MROH2A: variants seen among roughly 807,000 people sequenced by gnomAD.
MROH2A encodes maestro heat-like repeat-containing protein family member 2A.
Under a neutral mutation model 200.4 loss-of-function variants are expected in MROH2A, and 174 were observed. That is an observed-to-expected ratio of 0.87 (90% CI 0.77 to 0.98). The LOEUF is 0.98. MROH2A is among the 50% of genes least tolerant of loss of function. MROH2A has a pLI of 0.00. For synonymous variants in MROH2A, 829 were observed against 840.4 expected, an observed-to-expected ratio of 0.99 and a Z score of 0.23; for missense variants, 2,045 against 2,139.6, an observed-to-expected ratio of 0.96 and a Z score of 0.87.
chr2:233,797,666 A>C (rs1285905091), intron 11 of MROH2A, among the ~76,000 whole-genome samples: 1 of 152,162 alleles, frequency 6.6e-6, no homozygotes, highest in Non-Finnish European at 1.5e-5. Flanking sequence ...TTAATTTTGC[A>C]ATGAACATAT....
At chr2:233,795,793 A>G (rs1702065573) in intron 9 of MROH2A, 48 bp downstream of exon 9, 1 of 1,550,514 alleles carries the variant, frequency 6.4e-7, no homozygotes, top group African/African-American at 1.4e-5. Context: ...TGGGTGGATC[A>G]GCAGGAAGCT....
At chr2:233,821,108 A>G (rs1366664794) in intron 31 of MROH2A, among the ~76,000 whole-genome samples, 2 of 152,338 alleles carry the variant, frequency 1.3e-5, no homozygotes, top group East Asian at 1.9e-4. Flanking sequence ...GAAGCTTCTA[A>G]CAACATCCAT....
chr2:233,802,545 C>T (rs1452702335), intron 15 of MROH2A: 3 of 469,664 alleles, frequency 6.4e-6, no homozygotes, highest in Non-Finnish European at 1.1e-5. Flanking sequence ...CTCCTCATGT[C>T]CTGTCCCCCC....
intron 5 of MROH2A, among the ~76,000 whole-genome samples, 162 bp downstream of exon 5, chr2:233,790,176 T>C (rs927120822): frequency 6.6e-6 from 1 of 152,180 alleles, no homozygotes; most frequent in African/African-American, 2.4e-5. Context: ...TCCTTTTGTC[T>C]CTTAGCTGTT....
chr2:233,808,194 A>C (rs1347436414), intron 21 of MROH2A, among the ~76,000 whole-genome samples: 2 of 151,776 alleles, frequency 1.3e-5, no homozygotes, highest in Non-Finnish European at 2.9e-5. Context: ...GACCCACAGG[A>C]TTTGAAGAAG....
Position 233,817,348 on chromosome 2 carries a change from G to C in MROH2A, c.2961+463G>C, listed in dbSNP as rs149131245. On this transcript the variant is annotated intron_variant, in intron 27 of 41. Transcript: ENST00000389758. ...CTTTTTGGCTCCATGCTGTTTGACT[G>C]TCTTGTCCTCAGGATGGCTGTGGCA... Among the ~76,000 whole-genome samples, 1,193 of 152,284 alleles carry C rather than the reference G, an allele frequency of 7.8e-3. 11 individuals are homozygous for C. The highest frequency in any genetic ancestry group is 0.022 in the South Asian group (106 of 4,820).
chr2:233,779,571 G>A, intron 2 of MROH2A, 100 bp from the exon 3 acceptor site: 1 of 1,421,908 alleles, frequency 7.0e-7, no homozygotes, highest in Non-Finnish European at 9.7e-7. Flanking sequence ...TACCACACAT[G>A]AAGCTGGAGC....
rs772392939 is a variant in MROH2A at position 233,822,284 on chromosome 2, G to A, written c.3672+1G>A. 1 of 1,547,694 alleles carries A rather than the reference G, an allele frequency of 6.5e-7. No homozygotes were observed. The highest frequency in any genetic ancestry group is 8.7e-7 in the Non-Finnish European group (1 of 1,146,906). On this transcript the variant is annotated splice_donor_variant, in intron 32 of 41. Coordinates refer to ENST00000389758, the MANE Select transcript of MROH2A (RefSeq NM_001394639.1). LOFTEE classifies it high-confidence loss of function. Reference sequence around the variant, plus strand: ...CCTGGCTGCGGTGGACCCCCTGATGGTGAGTTGCAGGCGCAGGCCCCAAGG... The same window carrying A: ...CCTGGCTGCGGTGGACCCCCTGATGATGAGTTGCAGGCGCAGGCCCCAAGG...
rs1704575586 is a variant in MROH2A, at chr2:233,829,621, A to C, written c.4448A>C (p.Glu1483Ala). 1.4e-6 allele frequency: 2 copies of C among 1,413,942 alleles called. No individual in the cohort carries two copies. The highest frequency in any genetic ancestry group is 5.7e-5 in the East Asian group (2 of 34,790). 87.6% of individuals were successfully genotyped at this position (1,413,942 alleles called of 1,614,324 possible). The change falls in exon 38 of 42, where the codon GAG becomes GCG. Residue 1483 changes from glutamate (E) to alanine (A), a missense_variant and splice_region_variant. Physicochemically the swap from Glu to Ala is moderately radical, Grantham distance 107. Coordinates refer to ENST00000389758, the MANE Select transcript of MROH2A (RefSeq NM_001394639.1). ...AGCCTGTGTCCATCCTGGCCACAGG[A>C]GAGCGAGCTGCTGCGTCTGAAAGCC... ...SEQCRIFFDN[E>A]SELLRLKAFI...
At chr2:233,793,928 C>G (rs1329274848) in intron 7 of MROH2A, 104 bp downstream of exon 7, 1 of 1,173,640 alleles carries the variant, frequency 8.5e-7, no homozygotes, top group Non-Finnish European at 1.1e-6. Context: ...ACACTTACTC[C>G]CAGGACCCTA....
At chr2:233,812,322 A>G (rs578117762) in intron 24 of MROH2A, among the ~76,000 whole-genome samples, 1 of 152,260 alleles carries the variant, frequency 6.6e-6, no homozygotes, top group Non-Finnish European at 1.5e-5. Context: ...TGAAGGGCTT[A>G]GTCAACTATT....
chr2:233,818,970 C>G (rs925162742), intron 29 of MROH2A, among the ~76,000 whole-genome samples, 200 bp downstream of exon 29: 1 of 152,370 alleles, frequency 6.6e-6, no homozygotes, highest in Middle Eastern at 3.4e-3. Context: ...CTCTGGCACG[C>G]AGTAGGTGCT....
At chr2:233,806,937 C>A (rs376993229) in intron 19 of MROH2A, among the ~76,000 whole-genome samples, 1 of 152,226 alleles carries the variant, frequency 6.6e-6, no homozygotes, top group Admixed American at 6.5e-5. Context: ...TTATCCCCCA[C>A]CCCTTTCCTA....
At chr2:233,814,525 A>T in intron 25 of MROH2A, 57 bp from the exon 26 acceptor site, 1 of 1,278,708 alleles carries the variant, frequency 7.8e-7, no homozygotes, top group Non-Finnish European at 1.1e-6. Context: ...CCCTGCAGGG[A>T]GGGGGGTTGT....
rs191709794 is a variant in MROH2A, at chr2:233,785,039, G to A, written c.277-4458G>A. ...TGCACGCCTGTAATCCCAGCTACCC[G>A]GGAGGCTGAGGCAAGAGAATTGCTT... On this transcript the variant is annotated intron_variant, in intron 3 of 41. Coordinates refer to ENST00000389758, the MANE Select transcript of MROH2A (RefSeq NM_001394639.1). Among the ~76,000 whole-genome samples, 504 of 152,164 alleles carry A rather than the reference G, an allele frequency of 3.3e-3. 4 individuals carry two copies. The highest frequency in any genetic ancestry group is 0.012 in the African/African-American group (479 of 41,516).
At chr2:233,816,482 C>G (rs1323801666) in intron 26 of MROH2A, among the ~76,000 whole-genome samples, 1 of 152,210 alleles carries the variant, frequency 6.6e-6, no homozygotes, top group African/African-American at 2.4e-5. Flanking sequence ...ACTTTTATAT[C>G]AGAACGGCCT....
intron 35 of MROH2A, among the ~76,000 whole-genome samples, chr2:233,824,323 AAAAATGGG>A (rs1704160697): frequency 7.1e-6 from 1 of 140,452 alleles, no homozygotes; most frequent in African/African-American, 2.6e-5. Context: ...CCCAACACTT[AAAAATGGG>A]AAAATGAGTT....
chr2:233,803,409 C>T, intron 15 of MROH2A, 39 bp from the exon 16 acceptor site: 3 of 1,550,046 alleles, frequency 1.9e-6, no homozygotes, highest in Non-Finnish European at 2.6e-6. Flanking sequence ...CTGGTACAAG[C>T]CAGGAAGGCT....
intron 39 of MROH2A, among the ~76,000 whole-genome samples, chr2:233,831,975 G>C (rs1704789066): frequency 6.6e-6 from 1 of 152,210 alleles, no homozygotes; most frequent in African/African-American, 2.4e-5. Flanking sequence ...GGACAGCACA[G>C]GTTCTCTGGT....
Sources: gnomAD v4.1 joint callset for allele counts (sites outside exome capture counted in the v4.1 genomes callset) on GRCh38, gnomAD v4.1.1 for gene constraint, MANE v1.5 for transcripts, NCBI Gene and HGNC (gene_info 2026-07-23, HGNC 2026-07-21) for gene names.